The following SNX29 variants were observed in gnomAD, a reference collection of about 807,000 sequenced individuals.
SNX29 encodes sorting nexin-29.
SNX29 carries 78 observed loss-of-function variants against 102.1 expected under a neutral mutation model. That is an observed-to-expected ratio of 0.76 (90% CI 0.64 to 0.92). The LOEUF is 0.92. Ranked by LOEUF, SNX29 falls within the 40% of genes least tolerant of loss-of-function variation. SNX29 has a pLI of 0.00. For synonymous variants in SNX29, 580 were observed against 414.5 expected, an observed-to-expected ratio of 1.40 and a Z score of -4.85; for missense variants, 1,280 against 1,061.7, an observed-to-expected ratio of 1.21 and a Z score of -2.86.
chr16:12,348,617 C>G (rs1226796347), intron 15 of SNX29, among the ~76,000 whole-genome samples: 1 of 152,208 alleles, frequency 6.6e-6, no homozygotes, highest in African/African-American at 2.4e-5. Context: ...TGGCTCAGCA[C>G]CCTTCCAGGT....
At chr16:12,539,879 C>G (rs77543963) in intron 20 of SNX29, among the ~76,000 whole-genome samples, 2,128 of 152,310 alleles carry the variant, frequency 0.014, 68 homozygotes, top group South Asian at 0.12. Context: ...TTCTTAGAAA[C>G]TAGGCTGTTT....
intron 13 of SNX29, among the ~76,000 whole-genome samples, chr16:12,191,107 C>T (rs2043948357): frequency 6.6e-6 from 1 of 152,160 alleles, no homozygotes; most frequent in South Asian, 2.1e-4. Flanking sequence ...CTCAGATCCT[C>T]AGACATTAGA....
chr16:12,379,484 AC>A (rs1348522796), intron 16 of SNX29, among the ~76,000 whole-genome samples: 1 of 152,192 alleles, frequency 6.6e-6, no homozygotes, highest in Non-Finnish European at 1.5e-5. Flanking sequence ...GGCTGCTGCC[AC>A]TCAGCTTGTT....
intron 20 of SNX29, among the ~76,000 whole-genome samples, chr16:12,543,571 G>A (rs913769846): frequency 7.2e-5 from 11 of 152,194 alleles, no homozygotes; most frequent in East Asian, 3.9e-4. Flanking sequence ...ACGAGATCAC[G>A]CTTCCGTGGT....
At chr16:12,180,490 CTT>C (rs895306521) in intron 13 of SNX29, among the ~76,000 whole-genome samples, 2 of 145,530 alleles carry the variant, frequency 1.4e-5, no homozygotes, top group East Asian at 2.0e-4. Flanking sequence ...TTCTCTGTCT[CTT>C]TTTTTTTTTG....
chr16:12,128,097 T>G (rs187083960), intron 12 of SNX29, among the ~76,000 whole-genome samples: 1 of 152,274 alleles, frequency 6.6e-6, no homozygotes, highest in Non-Finnish European at 1.5e-5. Flanking sequence ...ACAAACATGA[T>G]TTCTAAAACA....
At chr16:12,002,342 G>C (rs1490249813) in intron 2 of SNX29, among the ~76,000 whole-genome samples, 1 of 151,852 alleles carries the variant, frequency 6.6e-6, no homozygotes, top group Non-Finnish European at 1.5e-5. Flanking sequence ...CAGCTACTTG[G>C]GTATCTGAGG....
intron 14 of SNX29, among the ~76,000 whole-genome samples, chr16:12,240,711 C>G (rs1181581421): frequency 6.6e-6 from 1 of 150,540 alleles, no homozygotes; most frequent in Non-Finnish European, 1.5e-5. Context: ...GTGATCCTCC[C>G]TCTTCAGCCT....
chr16:12,003,076 C>T (rs367995944), intron 3 of SNX29, 33 bp downstream of exon 3: 82 of 1,613,500 alleles, frequency 5.1e-5, no homozygotes, highest in Middle Eastern at 5.0e-4. Context: ...CGTTGACCAT[C>T]GAGGTTGGAA....
intron 13 of SNX29, among the ~76,000 whole-genome samples, chr16:12,171,620 C>T (rs908008651): frequency 2.0e-5 from 3 of 152,222 alleles, no homozygotes; most frequent in African/African-American, 4.8e-5. Context: ...TAGCGTTGCC[C>T]TCCCTGGGGA....
Position 12,128,996 on chromosome 16 carries a change from C to T in SNX29, c.1467-634C>T, listed in dbSNP as rs182815469. Among the ~76,000 whole-genome samples the T allele has an allele frequency of 5.7e-3, 864 of 152,204 alleles. 8 individuals carry two copies. Among genetic ancestry groups the T allele is most frequent in the African/African-American group, 0.02 (823 of 41,522 alleles). On this transcript the variant is annotated intron_variant, in intron 12 of 20. Coordinates refer to ENST00000566228, the MANE Select transcript of SNX29 (RefSeq NM_032167.5). ...GGTGAATCCTGTGCTGGCTGCCAGC[C>T]CCCTGTTGGAGGGTTAACAAACTTG...
rs919309192 is a variant in SNX29, at chr16:12,570,758, C to T, written c.*2129C>T. 6 of 217,866 alleles carry T rather than the reference C, an allele frequency of 2.8e-5. No homozygotes were observed. Among genetic ancestry groups the T allele is most frequent in the African/African-American group, 1.5e-4 (6 of 39,052 alleles). The allele number at this position is 217,866 out of a possible 1,614,324, so 13.5% of individuals were successfully genotyped here. ...ATACCCCACGAGGAAGCACCTTGGA[C>T]ATTCTGCACATGATAATAATGCAAC... On this transcript the variant is annotated 3_prime_UTR_variant, in exon 21 of 21. Coordinates refer to ENST00000566228, the MANE Select transcript of SNX29 (RefSeq NM_032167.5).
chr16:12,437,757 T>C (rs2085602606), intron 18 of SNX29, among the ~76,000 whole-genome samples: 1 of 152,032 alleles, frequency 6.6e-6, no homozygotes, highest in Non-Finnish European at 1.5e-5. Flanking sequence ...TCAGGTGAAA[T>C]CTCAAAAATG....
At chr16:12,178,610 T>C (rs1279483419) in intron 13 of SNX29, among the ~76,000 whole-genome samples, 2 of 152,212 alleles carry the variant, frequency 1.3e-5, no homozygotes, top group Admixed American at 1.3e-4. Context: ...TTCTGACTTT[T>C]TGTATAGGAG....
At chr16:12,461,978 A>ATAATATATAT (rs869301507) in intron 18 of SNX29, among the ~76,000 whole-genome samples, 1 of 27,352 alleles carries the variant, frequency 3.7e-5, no homozygotes, top group East Asian at 2.1e-3. Context: ...AAAAAAAAAA[A>ATAATATATAT]ATATATATAT....
At chr16:12,494,760 G>A (rs1342251057) in intron 19 of SNX29, among the ~76,000 whole-genome samples, 1 of 152,216 alleles carries the variant, frequency 6.6e-6, no homozygotes, top group Non-Finnish European at 1.5e-5. Context: ...ATCCTCATAA[G>A]CTGGTGAAAA....
chr16:12,553,489 C>CA (rs1284910639), intron 20 of SNX29, among the ~76,000 whole-genome samples: 8 of 152,288 alleles, frequency 5.3e-5, no homozygotes, highest in African/African-American at 1.9e-4. Flanking sequence ...TTAGACCAGG[C>CA]AGGGCAGGTG....
At chr16:12,408,335 C>G (rs1567533451) in intron 18 of SNX29, among the ~76,000 whole-genome samples, 3 of 152,236 alleles carry the variant, frequency 2.0e-5, no homozygotes, top group Non-Finnish European at 4.4e-5. Context: ...CATAGGACCT[C>G]TCTGGGTCCA....
chr16:12,542,085 C>T (rs2077368065), intron 20 of SNX29, among the ~76,000 whole-genome samples: 2 of 152,074 alleles, frequency 1.3e-5, no homozygotes, highest in African/African-American at 4.8e-5. Flanking sequence ...CCAAATCCTG[C>T]AATATTGTCT....
Sources: gnomAD v4.1 joint callset for allele counts (sites outside exome capture counted in the v4.1 genomes callset) on GRCh38, gnomAD v4.1.1 for gene constraint, MANE v1.5 for transcripts, NCBI Gene and HGNC (gene_info 2026-07-23, HGNC 2026-07-21) for gene names.